PNLIPRP3: variants seen among roughly 807,000 people sequenced by gnomAD.
PNLIPRP3 encodes the protein pancreatic lipase-related protein 3.
A neutral mutation model predicts 52.8 loss-of-function variants in PNLIPRP3; 58 were observed. That is an observed-to-expected ratio of 1.10 (90% CI 0.89 to 1.37). PNLIPRP3 has a LOEUF of 1.37. Ranked by LOEUF, PNLIPRP3 falls within the 40% of genes most tolerant of loss-of-function variation. PNLIPRP3 has a pLI of 0.00. For missense variants in PNLIPRP3, 593 were observed against 561.6 expected, an observed-to-expected ratio of 1.06 and a Z score of -0.57; for synonymous variants, 192 against 185.0, an observed-to-expected ratio of 1.04 and a Z score of -0.31.
chr10:116,442,174 T>C (rs1427886044), intron 2 of PNLIPRP3, among the ~76,000 whole-genome samples: 5 of 152,224 alleles, frequency 3.3e-5, no homozygotes, highest in Non-Finnish European at 5.9e-5. Flanking sequence ...CCTTTTATTG[T>C]TTTAAATAAC....
chr10:116,430,551 CAGGAGAGA>C, intron 1 of PNLIPRP3, among the ~76,000 whole-genome samples: 1 of 152,064 alleles, frequency 6.6e-6, no homozygotes, highest in Non-Finnish European at 1.5e-5. Flanking sequence ...GAAGCAAGAA[CAGGAGAGA>C]AGTTCAAGGA....
intron 3 of PNLIPRP3, among the ~76,000 whole-genome samples, chr10:116,444,158 G>A (rs575033780): frequency 8.6e-4 from 130 of 152,010 alleles, no homozygotes; most frequent in Middle Eastern, 3.4e-3. Flanking sequence ...CGGCACGGGG[G>A]AAACCACCCC....
chr10:116,445,733 G>A (rs1300045251), intron 4 of PNLIPRP3, among the ~76,000 whole-genome samples: 1 of 152,168 alleles, frequency 6.6e-6, no homozygotes, highest in Non-Finnish European at 1.5e-5. Flanking sequence ...TCATTGAATT[G>A]AATAGGCAGC....
chr10:116,461,247 A>C lies in PNLIPRP3; in HGVS notation c.765A>C (p.Leu255Phe). Residue 255 changes from leucine (L) to phenylalanine (F), a missense_variant, in exon 7 of 12, where the codon TTA (leucine) becomes TTC (phenylalanine). Physicochemically the swap from Leu to Phe is conservative, Grantham distance 22 (BLOSUM62 0). Transcript: ENST00000369230. The stretch of plus-strand genomic sequence containing the variant: ...AGCACATGCCAGGATGTGAAGACTT[A>C]ATTACACCTTTACTGAAATTTAACT... ...GGKHMPGCED[L>F]ITPLLKFNFN... 6.2e-7 allele frequency: 1 copy of C among 1,613,460 alleles called. No individual in the cohort carries two copies. The highest frequency in any genetic ancestry group is 8.5e-7 in the Non-Finnish European group (1 of 1,179,394).
At chr10:116,460,549 G>C (rs560932065) in intron 5 of PNLIPRP3, among the ~76,000 whole-genome samples, 1 of 152,164 alleles carries the variant, frequency 6.6e-6, no homozygotes, top group South Asian at 2.1e-4. Context: ...CTCAGGACAA[G>C]GATTCTGTTA....
At chr10:116,468,791 G>A (rs1195482299) in intron 8 of PNLIPRP3, among the ~76,000 whole-genome samples, 1 of 152,180 alleles carries the variant, frequency 6.6e-6, no homozygotes, top group Non-Finnish European at 1.5e-5. Flanking sequence ...AGAAGCAAAT[G>A]AGAATTCCCC....
rs1845660002 is a variant in PNLIPRP3, at chr10:116,427,937, A to G, written c.-76A>G. ...TGCATCATTGTGAGGAAAACCACTT[A>G]GTATTTTATAGTGAGGTGACTTTAC... On this transcript the variant is annotated 5_prime_UTR_variant, in exon 1 of 12. Transcript: ENST00000369230. 1 of 1,089,848 alleles carries G rather than the reference A, an allele frequency of 9.2e-7. No homozygotes were observed. Among genetic ancestry groups the G allele is most frequent in the African/African-American group, 1.6e-5 (1 of 63,878 alleles). The allele number at this position is 1,089,848 out of a possible 1,614,324, so 67.5% of individuals were successfully genotyped here. A position where few individuals can be genotyped will look rare whatever the true frequency, so the allele number is the denominator to read the frequency against.
chr10:116,458,407 A>G lies in PNLIPRP3; in HGVS notation c.566-2559A>G, dbSNP rs555229541. On this transcript the variant is annotated intron_variant, in intron 5 of 11. Coordinates refer to ENST00000369230, the MANE Select transcript of PNLIPRP3 (RefSeq NM_001011709.3). ...TTTTCTCCTGAGATATCCTAGAACA[A>G]CAAATTCAATGTTCCCTCTTCCTTA... Among the ~76,000 whole-genome samples, 5 of 151,742 alleles carry G rather than the reference A, an allele frequency of 3.3e-5. No individual in the cohort carries two copies. In the South Asian group the frequency reaches 1.0e-3, roughly 32 times the overall value.
intron 7 of PNLIPRP3, among the ~76,000 whole-genome samples, chr10:116,462,983 T>A (rs1342626846): frequency 6.6e-6 from 1 of 152,224 alleles, no homozygotes; most frequent in Non-Finnish European, 1.5e-5. Context: ...TAACAAACCA[T>A]TACTTTTAAA....
chr10:116,436,784 G>A lies in PNLIPRP3; in HGVS notation c.123G>A (p.Glu41=), dbSNP rs145438648. Residue 41 remains glutamate (E), a synonymous_variant, in exon 2 of 12, where the codon GAG becomes GAA. Coordinates refer to ENST00000369230, the MANE Select transcript of PNLIPRP3 (RefSeq NM_001011709.3). The stretch of plus-strand genomic sequence containing the variant: ...CATGGACCAGGACTTTCTCAACAGA[G>A]TTGGTAGGTTTACCCTGGTCTCCAG... ...GLPWTRTFST[E]LVGLPWSPEK... is the part of the protein sequence containing the mutation. The A allele has an allele frequency of 3.0e-5, 49 of 1,613,692 alleles. No individual in the cohort carries two copies. Among genetic ancestry groups the A allele is most frequent in the Non-Finnish European group, 4.1e-5 (48 of 1,179,812 alleles).
intron 2 of PNLIPRP3, chr10:116,439,886 C>A: frequency 1.3e-6 from 1 of 794,234 alleles, no homozygotes; most frequent in Non-Finnish European, 2.3e-6. Context: ...TTCTCTTTCC[C>A]GGACATTATC....
chr10:116,458,243 A>C (rs1291704821), intron 5 of PNLIPRP3, among the ~76,000 whole-genome samples: 1 of 152,174 alleles, frequency 6.6e-6, no homozygotes, highest in East Asian at 1.9e-4. Flanking sequence ...TTGCTGACAC[A>C]CACGTACCAA....
At chr10:116,460,375 G>A (rs916553021) in intron 5 of PNLIPRP3, among the ~76,000 whole-genome samples, 6 of 152,114 alleles carry the variant, frequency 3.9e-5, no homozygotes, top group Admixed American at 6.6e-5. Flanking sequence ...CTTATTTTAC[G>A]AAACATTTGA....
chr10:116,467,968 A>G (rs924637253), intron 8 of PNLIPRP3, among the ~76,000 whole-genome samples: 3 of 151,810 alleles, frequency 2.0e-5, no homozygotes, highest in Non-Finnish European at 4.4e-5. Flanking sequence ...TACTAAAAAT[A>G]CAAAAAATTA....
intron 2 of PNLIPRP3, among the ~76,000 whole-genome samples, chr10:116,437,301 T>C (rs888412329): frequency 2.0e-5 from 3 of 152,098 alleles, no homozygotes; most frequent in African/African-American, 7.2e-5. Context: ...ACTGAAAGAC[T>C]CTGGGAACAA....
chr10:116,439,775 C>T (rs1002156240), intron 2 of PNLIPRP3: 40 of 772,262 alleles, frequency 5.2e-5, no homozygotes, highest in Admixed American at 1.5e-4. Flanking sequence ...CTTTTAGGGG[C>T]ATTAGGATCC....
At chr10:116,440,384 T>C (rs960200709) in intron 2 of PNLIPRP3, among the ~76,000 whole-genome samples, 2 of 152,148 alleles carry the variant, frequency 1.3e-5, no homozygotes, top group African/African-American at 4.8e-5. Context: ...TCTTCACACC[T>C]TCCCCACTTC....
At chr10:116,453,364 G>A (rs1338318692) in intron 4 of PNLIPRP3, among the ~76,000 whole-genome samples, 3 of 152,106 alleles carry the variant, frequency 2.0e-5, no homozygotes, top group Non-Finnish European at 4.4e-5. Context: ...TGAGAACTTT[G>A]ACTTTGAGCT....
At chr10:116,457,356 G>C (rs529314026) in intron 5 of PNLIPRP3, among the ~76,000 whole-genome samples, 1 of 148,692 alleles carries the variant, frequency 6.7e-6, no homozygotes, top group African/African-American at 2.5e-5. Flanking sequence ...GTGTGTGTAC[G>C]TGCTCGCTCT....
Sources: gnomAD v4.1 joint callset for allele counts (sites outside exome capture counted in the v4.1 genomes callset) on GRCh38, gnomAD v4.1.1 for gene constraint, MANE v1.5 for transcripts, NCBI Gene and HGNC (gene_info 2026-07-23, HGNC 2026-07-21) for gene names.